Variants in AGBL4 observed in about 807,000 individuals in gnomAD.
AGBL4 encodes the protein cytosolic carboxypeptidase 6.
AGBL4 carries 58 observed loss-of-function variants against 66.4 expected under a neutral mutation model. The ratio of observed to expected loss-of-function variants is 0.87; its 90% confidence interval spans 0.71 to 1.09. The LOEUF (loss-of-function observed/expected upper bound fraction) is 1.09, where lower values mean the gene tolerates loss of function less well. Among genes scored for constraint, AGBL4 ranks in the 50% least tolerant of loss-of-function variants. AGBL4 has a pLI of 0.00. For missense variants in AGBL4, 579 were observed against 631.0 expected, an observed-to-expected ratio of 0.92 and a Z score of 0.88; for synonymous variants, 234 against 222.9, an observed-to-expected ratio of 1.05 and a Z score of -0.44.
chr1:48,657,946 G>C (rs7556329), intron 7 of AGBL4, among the ~76,000 whole-genome samples: 18,763 of 152,222 alleles, frequency 0.12, 2,303 homozygotes, highest in African/African-American at 0.32. Context: ...ACAGCAGGAA[G>C]AGGTCTCCTC....
intron 2 of AGBL4, among the ~76,000 whole-genome samples, chr1:49,757,941 G>A (rs921414011): frequency 7.9e-5 from 12 of 152,116 alleles, no homozygotes; most frequent in African/African-American, 2.4e-4. Context: ...ACGTCTCCAG[G>A]GCATGTCAGA....
chr1:49,589,859 C>T (rs1277954012), intron 3 of AGBL4, among the ~76,000 whole-genome samples: 1 of 151,930 alleles, frequency 6.6e-6, no homozygotes, highest in Non-Finnish European at 1.5e-5. Flanking sequence ...AAAACTTCAC[C>T]CTTCCTTATT....
intron 1 of AGBL4, among the ~76,000 whole-genome samples, chr1:49,921,295 A>T (rs1288992823): frequency 6.6e-6 from 1 of 152,164 alleles, no homozygotes; most frequent in Non-Finnish European, 1.5e-5. Flanking sequence ...TAAACAAATT[A>T]AAAAAGGGTC....
intron 1 of AGBL4, among the ~76,000 whole-genome samples, chr1:49,974,010 C>A (rs989085362): frequency 6.6e-6 from 1 of 151,972 alleles, no homozygotes; most frequent in Non-Finnish European, 1.5e-5. Context: ...ACTATGGCAG[C>A]AAAATGTTTT....
chr1:48,553,210 G>T (rs896417902), intron 11 of AGBL4, among the ~76,000 whole-genome samples: 2 of 152,072 alleles, frequency 1.3e-5, no homozygotes, highest in African/African-American at 2.4e-5. Context: ...CTTGGAATCA[G>T]CTGTGCCTGC....
At chr1:49,985,655 T>G (rs909955962) in intron 1 of AGBL4, among the ~76,000 whole-genome samples, 5 of 152,202 alleles carry the variant, frequency 3.3e-5, no homozygotes, top group Admixed American at 6.5e-5. Flanking sequence ...AACAACATAT[T>G]TGTTTGCTGT....
At chr1:49,078,828 C>A (rs1644758225) in intron 4 of AGBL4, among the ~76,000 whole-genome samples, 1 of 152,176 alleles carries the variant, frequency 6.6e-6, no homozygotes, top group African/African-American at 2.4e-5. Context: ...CTATTCCTAG[C>A]AGCCAAAGTG....
intron 3 of AGBL4, among the ~76,000 whole-genome samples, chr1:49,605,390 AC>A (rs1211191977): frequency 1.2e-4 from 19 of 152,250 alleles, no homozygotes; most frequent in African/African-American, 3.8e-4. Context: ...ATTGCATGTC[AC>A]CCAGTCAAAA....
At chr1:49,318,116 T>C (rs1244620128) in intron 3 of AGBL4, among the ~76,000 whole-genome samples, 1 of 152,028 alleles carries the variant, frequency 6.6e-6, no homozygotes, top group Non-Finnish European at 1.5e-5. Context: ...TTAAAAGTCA[T>C]GAAGCCCTAG....
intron 1 of AGBL4, among the ~76,000 whole-genome samples, chr1:49,902,549 T>C (rs892714512): frequency 4.0e-5 from 6 of 151,782 alleles, no homozygotes; most frequent in Non-Finnish European, 8.8e-5. Context: ...GAGTTCAAGA[T>C]CAGCCTGGCC....
At chr1:49,002,677 G>A (rs1661482425) in intron 5 of AGBL4, among the ~76,000 whole-genome samples, 1 of 152,114 alleles carries the variant, frequency 6.6e-6, no homozygotes, top group Non-Finnish European at 1.5e-5. Context: ...CTGTTAAAGT[G>A]CAGTCTTCCT....
intron 3 of AGBL4, among the ~76,000 whole-genome samples, chr1:49,315,990 T>C (rs1645033087): frequency 6.6e-6 from 1 of 152,010 alleles, no homozygotes; most frequent in Admixed American, 6.6e-5. Context: ...TGCATATTGC[T>C]AAGTGAAAGA....
chr1:48,548,569 C>T (rs972662095), intron 11 of AGBL4, among the ~76,000 whole-genome samples: 2 of 152,228 alleles, frequency 1.3e-5, no homozygotes, highest in Non-Finnish European at 2.9e-5. Flanking sequence ...GCCTCACACA[C>T]ATCCTCCCGC....
At chr1:49,011,594 C>A (rs1384257129) in intron 5 of AGBL4, among the ~76,000 whole-genome samples, 2 of 151,914 alleles carry the variant, frequency 1.3e-5, no homozygotes, top group African/African-American at 4.8e-5. Flanking sequence ...ATGTTTATTG[C>A]GGCACTATTC....
At chr1:50,002,991 G>C (rs1450087909) in intron 1 of AGBL4, among the ~76,000 whole-genome samples, 1 of 152,116 alleles carries the variant, frequency 6.6e-6, no homozygotes, top group Non-Finnish European at 1.5e-5. Flanking sequence ...AAAAAGTAAA[G>C]TCCAAGGCCA....
At chr1:49,471,260 AG>A (rs1417572792) in intron 3 of AGBL4, among the ~76,000 whole-genome samples, 2 of 152,018 alleles carry the variant, frequency 1.3e-5, no homozygotes, top group Non-Finnish European at 2.9e-5. Flanking sequence ...GGAAGCTTAA[AG>A]GTATATCTAG....
chr1:49,647,045 T>C (rs1450032385), intron 3 of AGBL4, among the ~76,000 whole-genome samples: 3 of 151,510 alleles, frequency 2.0e-5, no homozygotes, highest in African/African-American at 4.8e-5. Context: ...ATAGAACATA[T>C]ACCTAAATGT....
chr1:48,902,977 TC>T (rs1032217323), intron 5 of AGBL4, among the ~76,000 whole-genome samples: 2 of 152,068 alleles, frequency 1.3e-5, no homozygotes, highest in African/African-American at 4.8e-5. Context: ...TGGACTTAGC[TC>T]CAGATATAAT....
At chr1:49,279,289 AG>A (rs1472319620) in intron 3 of AGBL4, among the ~76,000 whole-genome samples, 1 of 152,216 alleles carries the variant, frequency 6.6e-6, no homozygotes, top group Non-Finnish European at 1.5e-5. Flanking sequence ...CTGTCTTACA[AG>A]GTAGAGTTAA....
Sources: allele counts gnomAD v4.1 joint callset (sites outside exome capture counted in the v4.1 genomes callset), GRCh38; gene constraint gnomAD v4.1.1; transcripts MANE v1.5; gene names NCBI Gene and HGNC (gene_info 2026-07-23, HGNC 2026-07-21).